ZNF704: variants seen among roughly 807,000 people sequenced by gnomAD.
ZNF704 encodes zinc finger protein 704, also known as glucocorticoid induced gene 1.
ZNF704 carries 10 observed loss-of-function variants against 44.7 expected under a neutral mutation model. That is an observed-to-expected ratio of 0.22 (90% CI 0.14 to 0.38). The LOEUF is 0.38. ZNF704 is among the 10% of genes least tolerant of loss of function. ZNF704 has a pLI of 1.00. For synonymous variants in ZNF704, 211 were observed against 207.6 expected, an observed-to-expected ratio of 1.02 and a Z score of -0.14; for missense variants, 390 against 545.5, an observed-to-expected ratio of 0.71 and a Z score of 2.84.
At chr8:80,776,682 T>C (rs1295580786) in intron 2 of ZNF704, 1 of 152,246 alleles carries the variant, frequency 6.6e-6, no homozygotes, top group Non-Finnish European at 1.5e-5. Context: ...GGTCTTGCTA[T>C]GCTGCCCAGG....
intron 1 of ZNF704, among the ~76,000 whole-genome samples, chr8:80,841,202 CTGTCTTCCT>C (rs1424039616): frequency 6.6e-6 from 1 of 152,248 alleles, no homozygotes; most frequent in Non-Finnish European, 1.5e-5. Context: ...AACGACCTCA[CTGTCTTCCT>C]TGTGCTTCTT....
chr8:80,877,216 C>G (rs1000733504), upstream of ZNF704, among the ~76,000 whole-genome samples: 21 of 129,532 alleles, frequency 1.6e-4, no homozygotes, highest in African/African-American at 5.9e-4. Flanking sequence ...AAAAAAAAGA[C>G]CTGGCCTTGG....
chr8:80,690,393 T>C (rs1455830596), intron 3 of ZNF704, among the ~76,000 whole-genome samples: 1 of 152,006 alleles, frequency 6.6e-6, no homozygotes, highest in Non-Finnish European at 1.5e-5. Flanking sequence ...CTACAATTCC[T>C]TTTCCCTAGA....
At chr8:80,711,818 T>A (rs189497690) in intron 2 of ZNF704, among the ~76,000 whole-genome samples, 1 of 152,326 alleles carries the variant, frequency 6.6e-6, no homozygotes, top group East Asian at 1.9e-4. Flanking sequence ...TAAATATGCA[T>A]GTGGGAAAAG....
intron 2 of ZNF704, among the ~76,000 whole-genome samples, chr8:80,778,049 C>T (rs936943060): frequency 2.2e-4 from 34 of 151,996 alleles, no homozygotes; most frequent in South Asian, 2.1e-4. Flanking sequence ...TCAATATTCC[C>T]ATAATTAACT....
intron 2 of ZNF704, among the ~76,000 whole-genome samples, chr8:80,793,627 G>A (rs1040492179): frequency 7.3e-5 from 11 of 151,690 alleles, no homozygotes; most frequent in Admixed American, 6.6e-4. Context: ...TAAACCAAAC[G>A]GCTGGTTTAT....
chr8:80,836,768 G>A (rs1403047235), intron 1 of ZNF704, among the ~76,000 whole-genome samples: 1 of 152,072 alleles, frequency 6.6e-6, no homozygotes, highest in Admixed American at 6.6e-5. Flanking sequence ...CAGCCTGGGC[G>A]ACAGAGTGAG....
intron 4 of ZNF704, among the ~76,000 whole-genome samples, chr8:80,674,925 A>G (rs1818340089): frequency 6.6e-6 from 1 of 152,246 alleles, no homozygotes; most frequent in Non-Finnish European, 1.5e-5. Flanking sequence ...CTGTCTGGAA[A>G]TGAAGTCATG....
intron 1 of ZNF704, among the ~76,000 whole-genome samples, chr8:80,862,720 A>C (rs1283300656): frequency 6.9e-6 from 1 of 145,632 alleles, no homozygotes; most frequent in African/African-American, 2.6e-5. Flanking sequence ...AGCCGAGATC[A>C]CACCAGTGTA....
intron 2 of ZNF704, among the ~76,000 whole-genome samples, chr8:80,755,166 A>C (rs559225226): frequency 5.6e-4 from 85 of 152,246 alleles, no homozygotes; most frequent in Non-Finnish European, 1.1e-3. Flanking sequence ...CAAATAAAAC[A>C]CTTAAAAAGA....
At chr8:80,775,792 T>A (rs749713308) in intron 2 of ZNF704, among the ~76,000 whole-genome samples, 1 of 152,184 alleles carries the variant, frequency 6.6e-6, no homozygotes, top group African/African-American at 2.4e-5. Context: ...TGGCAAGTGA[T>A]AAAAATGTGC....
chr8:80,827,773 C>A (rs536710086), intron 1 of ZNF704, among the ~76,000 whole-genome samples: 1 of 152,312 alleles, frequency 6.6e-6, no homozygotes, highest in South Asian at 2.1e-4. Context: ...TACCACACAT[C>A]TACAACCATC....
chr8:80,829,173 TA>T (rs1181045187), intron 1 of ZNF704, among the ~76,000 whole-genome samples: 1 of 152,204 alleles, frequency 6.6e-6, no homozygotes, highest in Non-Finnish European at 1.5e-5. Context: ...TAGAAAGACA[TA>T]AAATATTTCA....
rs188808915 is a variant in ZNF704, at chr8:80,863,662, T to C, written c.-22+10909A>G. ...TATGAGGGCCTTCTATTAGTTACAATGCACTAAATATTGGGTAATATGGAA... is the reference window on the plus strand; with the variant it reads ...TATGAGGGCCTTCTATTAGTTACAACGCACTAAATATTGGGTAATATGGAA... On this transcript the variant is annotated intron_variant, in intron 1 of 8. Transcript: ENST00000327835. 1.8e-4 allele frequency among the ~76,000 whole-genome samples: 27 copies of C among 152,322 alleles called. 1 individual carries two copies. The East Asian group carries it at 5.2e-3, about 29-fold the overall frequency.
At chr8:80,654,031 T>C in intron 7 of ZNF704, among the ~76,000 whole-genome samples, 2 of 152,110 alleles carry the variant, frequency 1.3e-5, no homozygotes. Flanking sequence ...TCAGAAATAA[T>C]GCCACATATC....
At position 80,631,885 on chromosome 8, in the gene ZNF704, G is replaced by A. The variant is rs1665916956; in HGVS notation, c.*9481C>T. 1 of 152,206 alleles carries A rather than the reference G, an allele frequency of 6.6e-6. No individual in the cohort carries two copies. The highest frequency in any genetic ancestry group is 1.5e-5 in the Non-Finnish European group (1 of 68,046). The allele number at this position is 152,206 out of a possible 1,614,324, so 9.4% of individuals were successfully genotyped here. On this transcript the variant is annotated 3_prime_UTR_variant, in exon 9 of 9. Coordinates refer to ENST00000327835, the MANE Select transcript of ZNF704 (RefSeq NM_001033723.3). ...TATCCCCTTGCACCTTAATTTAAGA[G>A]AGAGAAAGCAGTAGCACAGAAACAA... is the stretch of plus-strand genomic sequence containing the variant.
chr8:80,728,938 A>C (rs1473095345), intron 2 of ZNF704, among the ~76,000 whole-genome samples: 2 of 152,172 alleles, frequency 1.3e-5, no homozygotes, highest in Non-Finnish European at 2.9e-5. Context: ...AGTAGGAGGC[A>C]GTCATTAAGA....
chr8:80,722,844 C>CTT (rs1470559341), intron 2 of ZNF704, among the ~76,000 whole-genome samples: 4 of 152,152 alleles, frequency 2.6e-5, no homozygotes, highest in Non-Finnish European at 5.9e-5. Context: ...AAAAGGCACC[C>CTT]TTTATCTGTC....
intron 2 of ZNF704, among the ~76,000 whole-genome samples, chr8:80,775,273 G>A (rs910149160): frequency 1.3e-5 from 2 of 152,196 alleles, no homozygotes; most frequent in African/African-American, 4.8e-5. Context: ...GATAAGGCCT[G>A]TAAGAAAGAT....
Sources: gnomAD v4.1 joint callset for allele counts (sites outside exome capture counted in the v4.1 genomes callset) on GRCh38, gnomAD v4.1.1 for gene constraint, MANE v1.5 for transcripts, NCBI Gene and HGNC (gene_info 2026-07-23, HGNC 2026-07-21) for gene names.